Variants in ABCA6 observed in about 807,000 individuals in gnomAD.
ABCA6 encodes ATP-binding cassette sub-family A member 6.
Under a neutral mutation model 191.2 loss-of-function variants are expected in ABCA6, and 164 were observed. The observed-to-expected ratio is 0.86, with a 90% CI of 0.76 to 0.98. The LOEUF is 0.98. ABCA6 is among the 50% of genes least tolerant of loss of function. The probability of loss-of-function intolerance (pLI) is 0.00; values close to 1 mark genes in which losing one functional copy is unlikely to be tolerated. For synonymous variants in ABCA6, 636 were observed against 647.7 expected, an observed-to-expected ratio of 0.98 and a Z score of 0.27; for missense variants, 1,958 against 1,894.1, an observed-to-expected ratio of 1.03 and a Z score of -0.63.
chr17:69,118,872 T>C (rs1408849422), intron 10 of ABCA6, among the ~76,000 whole-genome samples: 1 of 152,018 alleles, frequency 6.6e-6, no homozygotes, highest in Non-Finnish European at 1.5e-5. Context: ...ACCCTTTTCA[T>C]TGATCTTTAG....
At chr17:69,112,660 G>C (rs948787245) in intron 15 of ABCA6, 1 of 177,116 alleles carries the variant, frequency 5.6e-6, no homozygotes, top group African/African-American at 2.4e-5. Flanking sequence ...GGAAGGGTGA[G>C]AGAGTCAGAG....
intron 16 of ABCA6, 44 bp from the exon 17 acceptor site, chr17:69,110,984 C>A: frequency 6.5e-7 from 1 of 1,534,474 alleles, no homozygotes; most frequent in South Asian, 1.3e-5. Context: ...TTTTCTCCAC[C>A]ACTATCACAA....
chr17:69,120,080 A>C (rs965765891), intron 10 of ABCA6, among the ~76,000 whole-genome samples: 1 of 152,088 alleles, frequency 6.6e-6, no homozygotes, highest in Admixed American at 6.6e-5. Context: ...ACATATATCT[A>C]TATCACATAT....
Position 69,134,752 on chromosome 17 carries a change from C to T in ABCA6, c.461-10G>A. 2 of 1,583,824 alleles carry T rather than the reference C, an allele frequency of 1.3e-6. No individual in the cohort carries two copies. Among genetic ancestry groups the T allele is most frequent in the Non-Finnish European group, 8.7e-7 (1 of 1,153,968 alleles). ...CCATCCCAGCAATGAGCTGTAAGCA[C>T]AAAGAAAAGCACAGCCAACATTATG... On this transcript the variant is annotated splice_polypyrimidine_tract_variant and intron_variant, in intron 4 of 38. Transcript: ENST00000284425.
chr17:69,122,270 C>T (rs979815863), intron 10 of ABCA6, among the ~76,000 whole-genome samples: 5 of 152,066 alleles, frequency 3.3e-5, no homozygotes, highest in African/African-American at 1.2e-4. Flanking sequence ...GGTACATAGT[C>T]AGCACTAAGT....
chr17:69,118,173 T>G (rs2073571346), intron 10 of ABCA6, among the ~76,000 whole-genome samples: 1 of 152,110 alleles, frequency 6.6e-6, no homozygotes, highest in Non-Finnish European at 1.5e-5. Flanking sequence ...ACAATTAAAC[T>G]ACTAGTATTT....
At chr17:69,115,859 T>A (rs2073528474) in intron 11 of ABCA6, 1 of 153,506 alleles carries the variant, frequency 6.5e-6, no homozygotes, top group African/African-American at 2.4e-5. Context: ...AATTTTATGT[T>A]TGTAATTTTT....
intron 6 of ABCA6, among the ~76,000 whole-genome samples, chr17:69,130,819 C>T (rs1352646060): frequency 6.6e-6 from 1 of 152,162 alleles, no homozygotes; most frequent in East Asian, 1.9e-4. Flanking sequence ...GCAGGCAGCA[C>T]CTCCAGTCTC....
At position 69,123,280 on chromosome 17, in the gene ABCA6, A is replaced by T; in HGVS notation, c.1395T>A (p.Phe465Leu). The change falls in exon 10 of 39, where the codon TTT becomes TTA. Residue 465 changes from phenylalanine (F) to leucine (L), a missense_variant. Coordinates refer to ENST00000284425, the MANE Select transcript of ABCA6 (RefSeq NM_080284.3). ...CTTGGAATTCAGGAGCTACTGGTTCAAAATAATCATCAGAGGGATGCTCAG... is the reference window on the plus strand; with the variant it reads ...CTTGGAATTCAGGAGCTACTGGTTCTAAATAATCATCAGAGGGATGCTCAG... ...IDAEHPSDDY[F>L]EPVAPEFQGK... 2.6e-6 allele frequency: 4 copies of T among 1,530,388 alleles called. No individual in the cohort carries two copies. Among genetic ancestry groups the T allele is most frequent in the Non-Finnish European group, 3.5e-6 (4 of 1,130,072 alleles). The allele number at this position is 1,530,388 out of a possible 1,614,324, so 94.8% of individuals were successfully genotyped here.
At chr17:69,094,606 TA>T (rs2144631586) in intron 25 of ABCA6, 1 of 168,806 alleles carries the variant, frequency 5.9e-6, no homozygotes, top group South Asian at 1.6e-4. Flanking sequence ...CACTAAAAGC[TA>T]AAAGGCAAGG....
intron 10 of ABCA6, among the ~76,000 whole-genome samples, chr17:69,119,447 C>T (rs1017523292): frequency 6.6e-6 from 1 of 152,032 alleles, no homozygotes; most frequent in Non-Finnish European, 1.5e-5. Context: ...CCTCTAGTTC[C>T]TTTCCCTACT....
At chr17:69,135,763 T>C (rs2073936936) in intron 4 of ABCA6, 1 of 418,666 alleles carries the variant, frequency 2.4e-6, no homozygotes, top group African/African-American at 2.0e-5. Flanking sequence ...GAAACACTTT[T>C]TCTTGTACTT....
chr17:69,123,234 A>G lies in ABCA6; in HGVS notation c.1436+5T>C. On this transcript the variant is annotated splice_donor_5th_base_variant and intron_variant, in intron 10 of 38. Coordinates refer to ENST00000284425, the MANE Select transcript of ABCA6 (RefSeq NM_080284.3). ...TGCATTAGTATTACTTATAAGTGTG[A>G]TTACCTGATGGCTTCTTTTCCTTGG... The G allele has an allele frequency of 6.9e-7, 1 of 1,453,924 alleles. No homozygotes were observed. The allele number at this position is 1,453,924 out of a possible 1,614,324, so 90.1% of individuals were successfully genotyped here. A position where few individuals can be genotyped will look rare whatever the true frequency, so the allele number is the denominator to read the frequency against.
chr17:69,122,531 G>A (rs2073668086), intron 10 of ABCA6, among the ~76,000 whole-genome samples: 1 of 152,000 alleles, frequency 6.6e-6, no homozygotes, highest in African/African-American at 2.4e-5. Context: ...AAGACACTGA[G>A]ACTCATAAAA....
rs370356436 is a variant in ABCA6, at chr17:69,096,278, T to C, written c.3370A>G (p.Arg1124Gly). 2.6e-6 allele frequency: 4 copies of C among 1,530,992 alleles called. No homozygotes were observed. The Admixed American group carries it at 8.6e-5, about 33-fold the overall frequency. 94.8% of individuals were successfully genotyped at this position (1,530,992 alleles called of 1,614,324 possible). The change falls in exon 25 of 39, where the codon AGA becomes GGA. Residue 1124 changes from arginine to glycine, a missense_variant. Coordinates refer to ENST00000284425, the MANE Select transcript of ABCA6 (RefSeq NM_080284.3). ...AATGACCAAAGGCCACTGTTTTTTCTCCTTTTGCGAAAAATAAATGATATC... is the reference window on the plus strand; with the variant it reads ...AATGACCAAAGGCCACTGTTTTTTCCCCTTTTGCGAAAAATAAATGATATC... Reference protein sequence around the residue: ...YMISFIFRKRRKNSGLWSFYF... With the variant: ...YMISFIFRKRGKNSGLWSFYF...
Position 69,107,817 on chromosome 17 carries a change from G to A in ABCA6, c.2273-5C>T. On this transcript the variant is annotated splice_polypyrimidine_tract_variant and splice_region_variant and intron_variant, in intron 17 of 38. Transcript: ENST00000284425. ...TATCCAGATCACTGAAAAGATCTAA[G>A]GCAAAAAAATATGAATAGATACTTT... 1 of 1,560,186 alleles carries A rather than the reference G, an allele frequency of 6.4e-7. No homozygotes were observed. Among genetic ancestry groups the A allele is most frequent in the Non-Finnish European group, 8.8e-7 (1 of 1,138,364 alleles).
chr17:69,128,809 A>G lies in ABCA6; in HGVS notation c.934-5T>C. On this transcript the variant is annotated splice_region_variant and splice_polypyrimidine_tract_variant and intron_variant, in intron 7 of 38. Coordinates refer to ENST00000284425, the MANE Select transcript of ABCA6 (RefSeq NM_080284.3). The stretch of plus-strand genomic sequence containing the variant: ...CATCAGGAACACCAAAGCTACCTGC[A>G]AGAGAGAGAAGACATTCAGCTGTTA... 6.4e-7 allele frequency: 1 copy of G among 1,574,490 alleles called. No individual in the cohort carries two copies. Among genetic ancestry groups the G allele is most frequent in the Non-Finnish European group, 8.6e-7 (1 of 1,161,826 alleles).
chr17:69,135,926 T>A, intron 4 of ABCA6, 166 bp downstream of exon 4: 1 of 676,952 alleles, frequency 1.5e-6, no homozygotes, highest in East Asian at 2.7e-5. Context: ...TTTGCAGTCA[T>A]CCTGTAGTAG....
chr17:69,105,216 A>T (rs1316865630), intron 20 of ABCA6: 1 of 434,912 alleles, frequency 2.3e-6, no homozygotes, highest in African/African-American at 2.1e-5. Flanking sequence ...TAGGGTAGTC[A>T]GGTAGAGAGA....
Sources: gnomAD v4.1 joint callset for allele counts (sites outside exome capture counted in the v4.1 genomes callset) on GRCh38, gnomAD v4.1.1 for gene constraint, MANE v1.5 for transcripts, NCBI Gene and HGNC (gene_info 2026-07-23, HGNC 2026-07-21) for gene names.